The following CMIP variants were observed in gnomAD, a reference collection of about 807,000 sequenced individuals.
CMIP encodes c-Maf inducing protein, also known as C-Maf-inducing protein.
CMIP carries 13 observed loss-of-function variants against 97.3 expected under a neutral mutation model. The observed-to-expected ratio is 0.13, with a 90% CI of 0.09 to 0.21. The LOEUF is 0.21. Among genes scored for constraint, CMIP ranks in the 10% least tolerant of loss-of-function variants. The pLI is 1.00. For synonymous variants in CMIP, 538 were observed against 436.3 expected, an observed-to-expected ratio of 1.23 and a Z score of -2.91; for missense variants, 847 against 1,024.9, an observed-to-expected ratio of 0.83 and a Z score of 2.37.
At chr16:81,693,725 C>T (rs928909070) in intron 13 of CMIP, among the ~76,000 whole-genome samples, 13 of 152,172 alleles carry the variant, frequency 8.5e-5, no homozygotes, top group Admixed American at 6.5e-4. Flanking sequence ...GGTTTCTGCC[C>T]GCAGCCGAGG....
chr16:81,685,803 A>G (rs925443021), intron 10 of CMIP, among the ~76,000 whole-genome samples: 2 of 151,292 alleles, frequency 1.3e-5, no homozygotes, highest in African/African-American at 2.4e-5. Context: ...GCCTCAAGCA[A>G]TCCTCCCGCC....
intron 9 of CMIP, among the ~76,000 whole-genome samples, chr16:81,674,958 TAAAAAAAGAAAG>T (rs2151049272): frequency 6.6e-6 from 1 of 151,242 alleles, no homozygotes; most frequent in Admixed American, 6.6e-5. Flanking sequence ...TATGTCAATT[TAAAAAAAGAAAG>T]AAAGAAAGAA....
intron 3 of CMIP, among the ~76,000 whole-genome samples, chr16:81,639,996 G>A (rs1016891303): frequency 2.6e-5 from 4 of 152,174 alleles, no homozygotes; most frequent in African/African-American, 9.7e-5. Flanking sequence ...TTGTGTGAGA[G>A]GACAGCTTGG....
intron 1 of CMIP, among the ~76,000 whole-genome samples, chr16:81,482,311 T>C (rs1597464747): frequency 6.6e-6 from 1 of 151,908 alleles, no homozygotes; most frequent in East Asian, 1.9e-4. Context: ...TAGTCACAGG[T>C]TGAAGGGAGT....
intron 3 of CMIP, among the ~76,000 whole-genome samples, chr16:81,647,525 A>G (rs1212217090): frequency 6.6e-6 from 1 of 152,080 alleles, no homozygotes; most frequent in Admixed American, 6.5e-5. Context: ...GAACAGTTCC[A>G]AGGCCCCTGT....
chr16:81,554,959 C>T (rs2090732418), intron 1 of CMIP, among the ~76,000 whole-genome samples: 1 of 152,168 alleles, frequency 6.6e-6, no homozygotes, highest in African/African-American at 2.4e-5. Context: ...GGGATGCCCC[C>T]CAGAAGGGGG....
At chr16:81,457,096 T>C (rs1001509093) in intron 1 of CMIP, among the ~76,000 whole-genome samples, 1 of 152,082 alleles carries the variant, frequency 6.6e-6, no homozygotes, top group Non-Finnish European at 1.5e-5. Context: ...CGTCCCGCCC[T>C]GTCTGGCTTC....
intron 1 of CMIP, among the ~76,000 whole-genome samples, chr16:81,582,588 C>G (rs922175956): frequency 6.6e-6 from 1 of 152,126 alleles, no homozygotes; most frequent in Non-Finnish European, 1.5e-5. Flanking sequence ...TCAGAGACCA[C>G]TTTCCAGCAA....
chr16:81,640,175 C>A (rs962669697), intron 3 of CMIP, among the ~76,000 whole-genome samples: 1 of 152,002 alleles, frequency 6.6e-6, no homozygotes. Context: ...CCGTTTCTGA[C>A]GCAGGGCAGG....
intron 9 of CMIP, among the ~76,000 whole-genome samples, chr16:81,675,731 A>G (rs1226249365): frequency 6.6e-6 from 1 of 152,180 alleles, no homozygotes; most frequent in African/African-American, 2.4e-5. Flanking sequence ...CAGAGAGAGG[A>G]AAGGGAAGCA....
At chr16:81,586,164 C>A (rs552243020) in intron 1 of CMIP, among the ~76,000 whole-genome samples, 1 of 152,040 alleles carries the variant, frequency 6.6e-6, no homozygotes, top group Admixed American at 6.6e-5. Context: ...GAGACAGCCC[C>A]GCCCCACACC....
At chr16:81,516,617 T>C (rs370490817) in intron 1 of CMIP, among the ~76,000 whole-genome samples, 1 of 152,198 alleles carries the variant, frequency 6.6e-6, no homozygotes, top group East Asian at 1.9e-4. Context: ...ATCTCGTCAG[T>C]GCGCGGGCAC....
At chr16:81,669,536 ACCT>A (rs2092658303) in intron 7 of CMIP, among the ~76,000 whole-genome samples, 1 of 72,330 alleles carries the variant, frequency 1.4e-5, no homozygotes, top group Admixed American at 1.5e-4. Flanking sequence ...TCTCACACTC[ACCT>A]CCTTCCACAC....
intron 8 of CMIP, 140 bp from the exon 9 acceptor site, chr16:81,671,826 G>T: frequency 1.8e-6 from 1 of 568,486 alleles, no homozygotes; most frequent in Non-Finnish European, 3.2e-6. Context: ...ATTGCACAGT[G>T]AAGGCTCTCA....
chr16:81,669,524 CCT>C (rs1389657158), intron 7 of CMIP, among the ~76,000 whole-genome samples: 6 of 146,802 alleles, frequency 4.1e-5, no homozygotes, highest in South Asian at 2.3e-4. Flanking sequence ...TCCACACCCA[CCT>C]CTCACACTCA....
chr16:81,509,404 G>A (rs1320661369), intron 1 of CMIP, among the ~76,000 whole-genome samples: 2 of 152,224 alleles, frequency 1.3e-5, no homozygotes, highest in Non-Finnish European at 2.9e-5. Flanking sequence ...ACACATTGGT[G>A]GGAGTTTGGC....
At chr16:81,701,208 G>T (rs1029900172) in intron 15 of CMIP, among the ~76,000 whole-genome samples, 5 of 152,210 alleles carry the variant, frequency 3.3e-5, no homozygotes, top group African/African-American at 1.2e-4. Flanking sequence ...CACATGTGCA[G>T]TCATGAGGCC....
chr16:81,559,417 A>G (rs902883336), intron 1 of CMIP, among the ~76,000 whole-genome samples: 1 of 152,234 alleles, frequency 6.6e-6, no homozygotes, highest in African/African-American at 2.4e-5. Flanking sequence ...AGATAGAGCA[A>G]CGACCACAGT....
rs765028014 is a variant in CMIP at position 81,709,824 on chromosome 16, C to T, written c.*25C>T. 1.8e-5 allele frequency: 29 copies of T among 1,612,942 alleles called. No homozygotes were observed. Among genetic ancestry groups the T allele is most frequent in the East Asian group, 8.9e-5 (4 of 44,866 alleles). On this transcript the variant is annotated 3_prime_UTR_variant, in exon 21 of 21. Coordinates refer to ENST00000537098, the MANE Select transcript of CMIP (RefSeq NM_198390.3). ...AAGCTCCCAGCTCAAGGCAGGAAGACGTTTGCAACCGCGACAAAATAACTC... is the reference window on the plus strand; with the variant it reads ...AAGCTCCCAGCTCAAGGCAGGAAGATGTTTGCAACCGCGACAAAATAACTC...
Sources: gnomAD v4.1 joint callset for allele counts (sites outside exome capture counted in the v4.1 genomes callset) on GRCh38, gnomAD v4.1.1 for gene constraint, MANE v1.5 for transcripts, NCBI Gene and HGNC (gene_info 2026-07-23, HGNC 2026-07-21) for gene names.